CIB4: variants seen among roughly 807,000 people sequenced by gnomAD.
CIB4 encodes calcium and integrin-binding family member 4.
A neutral mutation model predicts 25.8 loss-of-function variants in CIB4; 25 were observed. The ratio of observed to expected loss-of-function variants is 0.97; its 90% CI spans 0.71 to 1.35. The LOEUF (loss-of-function observed/expected upper bound fraction) is 1.35. Among genes scored for constraint, CIB4 ranks in the 40% most tolerant of loss-of-function variants. CIB4 has a pLI of 0.00. For missense variants in CIB4, 235 were observed against 228.2 expected (o/e 1.03, Z -0.19); for synonymous variants, 75 against 81.4 (o/e 0.92, Z 0.42).
chr2:26,629,899 A>G (rs1572571445), intron 2 of CIB4, among the ~76,000 whole-genome samples: 1 of 152,116 alleles, frequency 6.6e-6, no homozygotes, highest in Admixed American at 6.5e-5. Flanking sequence ...GACCTTGGGG[A>G]AGCCAGGGTC....
chr2:26,582,922 G>A lies in CIB4; in HGVS notation c.439-9C>T, dbSNP rs1558551693. 2 of 1,605,402 alleles carry A rather than the reference G, an allele frequency of 1.2e-6. No homozygotes were observed. Among genetic ancestry groups the A allele is most frequent in the East Asian group, 2.2e-5 (1 of 44,826 alleles). The stretch of plus-strand genomic sequence containing the variant: ...TCCGACTCACTCAGGACCTGGCGAG[G>A]GAGCACAGAAGACAGTTGAGTGGAA... On this transcript the variant is annotated splice_polypyrimidine_tract_variant and intron_variant, in intron 5 of 6. Transcript: ENST00000288861.
At chr2:26,619,241 G>C (rs967638155) in intron 3 of CIB4, among the ~76,000 whole-genome samples, 4 of 152,156 alleles carry the variant, frequency 2.6e-5, no homozygotes, top group African/African-American at 9.7e-5. Flanking sequence ...TCTCCCCACA[G>C]GGCCCTCCCC....
intron 3 of CIB4, among the ~76,000 whole-genome samples, chr2:26,610,204 C>T (rs949435829): frequency 1.3e-5 from 2 of 152,034 alleles, no homozygotes; most frequent in African/African-American, 4.8e-5. Context: ...GAACCATGTT[C>T]CCTGTGAACT....
At chr2:26,606,343 A>G (rs769452440) in intron 3 of CIB4, among the ~76,000 whole-genome samples, 1 of 152,204 alleles carries the variant, frequency 6.6e-6, no homozygotes, top group Non-Finnish European at 1.5e-5. Flanking sequence ...GGGAGGCAGG[A>G]CGGACAAAGG....
chr2:26,583,669 C>G, intron 5 of CIB4, 120 bp downstream of exon 5: 1 of 699,572 alleles, frequency 1.4e-6, no homozygotes, highest in Non-Finnish European at 2.6e-6. Flanking sequence ...AATGTGTCAT[C>G]TGCCTCAGGC....
At chr2:26,605,523 C>T in intron 3 of CIB4, 1 of 471,114 alleles carries the variant, frequency 2.1e-6, no homozygotes, top group Non-Finnish European at 4.4e-6. Context: ...GGAGTGGACG[C>T]CCTTTCAGGG....
intron 3 of CIB4, chr2:26,605,671 A>T (rs1193688289): frequency 2.6e-6 from 1 of 391,564 alleles, no homozygotes; most frequent in East Asian, 8.6e-5. Context: ...CAGTTCACAG[A>T]CCCAACAAGT....
At chr2:26,633,512 A>G (rs1275924) in intron 2 of CIB4, among the ~76,000 whole-genome samples, 98,536 of 151,878 alleles carry the variant, frequency 0.65, 32,204 homozygotes, top group African/African-American at 0.72. Flanking sequence ...CCCCCCTGGA[A>G]AGTCCTCTCG....
chr2:26,582,295 A>AC (rs1219783085), intron 6 of CIB4, among the ~76,000 whole-genome samples: 1 of 152,186 alleles, frequency 6.6e-6, no homozygotes, highest in African/African-American at 2.4e-5. Context: ...AAGCAGCAGC[A>AC]CCCCAAAAAG....
At chr2:26,611,304 G>A (rs912159933) in intron 3 of CIB4, among the ~76,000 whole-genome samples, 2 of 152,218 alleles carry the variant, frequency 1.3e-5, no homozygotes, top group African/African-American at 2.4e-5. Context: ...AATACTGTCC[G>A]TGGGAGGATG....
At chr2:26,615,230 C>T (rs1042293917) in intron 3 of CIB4, among the ~76,000 whole-genome samples, 13 of 152,154 alleles carry the variant, frequency 8.5e-5, no homozygotes, top group Non-Finnish European at 1.5e-4. Flanking sequence ...ACAGTCAAAT[C>T]CTGGACAAAT....
At chr2:26,612,750 G>C (rs577202646) in intron 3 of CIB4, among the ~76,000 whole-genome samples, 1 of 152,318 alleles carries the variant, frequency 6.6e-6, no homozygotes, top group South Asian at 2.1e-4. Context: ...CAAGAGCCCT[G>C]CCAGCTGCTC....
intron 3 of CIB4, among the ~76,000 whole-genome samples, chr2:26,612,824 C>T (rs887821915): frequency 1.3e-5 from 2 of 152,174 alleles, no homozygotes; most frequent in African/African-American, 4.8e-5. Flanking sequence ...GAGTATGGGA[C>T]AAGGGGGAGG....
At chr2:26,613,705 A>T (rs187612234) in intron 3 of CIB4, among the ~76,000 whole-genome samples, 339 of 152,342 alleles carry the variant, frequency 2.2e-3, no homozygotes, top group Non-Finnish European at 3.8e-3. Context: ...TGAAGAGCCC[A>T]GGAGACTTTA....
chr2:26,637,843 G>T (rs2148229258), intron 2 of CIB4, among the ~76,000 whole-genome samples: 1 of 152,308 alleles, frequency 6.6e-6, no homozygotes, highest in South Asian at 2.1e-4. Context: ...GCAGCAGAGG[G>T]CTCTCACTGG....
At chr2:26,621,694 C>T (rs116562696) in intron 3 of CIB4, among the ~76,000 whole-genome samples, 1,847 of 152,232 alleles carry the variant, frequency 0.012, 45 homozygotes, top group African/African-American at 0.043. Flanking sequence ...AATGGAGAGA[C>T]ATGAAAACAG....
Position 26,640,564 on chromosome 2 carries a change from G to A in CIB4, c.58C>T (p.Leu20=), listed in dbSNP as rs1359605251. The A allele has an allele frequency of 7.4e-6, 12 of 1,612,728 alleles. No homozygotes were observed. The highest frequency in any genetic ancestry group is 9.3e-6 in the Non-Finnish European group (11 of 1,179,338). ...HWEDLEEYQA[L]TFLTRNEILC... is the part of the protein sequence containing the mutation. The stretch of plus-strand genomic sequence containing the variant: ...ATTTCATTTCTGGTCAGGAAGGTCA[G>A]GGCCTGCAACAAATCACAGAGAAGC... The change falls in exon 2 of 7, where the codon CTG becomes TTG. Residue 20 remains leucine, a synonymous_variant. Coordinates refer to ENST00000288861, the MANE Select transcript of CIB4 (RefSeq NM_001029881.3).
chr2:26,590,530 T>C (rs1017834787), intron 4 of CIB4, among the ~76,000 whole-genome samples: 2 of 152,074 alleles, frequency 1.3e-5, no homozygotes, highest in African/African-American at 2.4e-5. Flanking sequence ...ATCATCACCA[T>C]GACAGTTACC....
At position 26,629,489 on chromosome 2, in the gene CIB4, A is replaced by G; in HGVS notation, c.107T>C (p.Leu36Pro). ...GTACTTCCCAGGAGGGCAGAGCTTC[A>G]GGAAGGTGTCATGGATGCTGAAAAG... ...NEILCIHDTF[L>P]KLCPPGKYYK... is the part of the protein sequence containing the mutation. The change falls in exon 3 of 7, where the codon CTG becomes CCG. Residue 36 changes from leucine (L) to proline (P), a missense_variant. Coordinates refer to ENST00000288861, the MANE Select transcript of CIB4 (RefSeq NM_001029881.3). 1 of 1,573,826 alleles carries G rather than the reference A, an allele frequency of 6.4e-7. No homozygotes were observed. Among genetic ancestry groups the G allele is most frequent in the Non-Finnish European group, 8.6e-7 (1 of 1,158,728 alleles).
Sources: gnomAD v4.1 joint callset for allele counts (sites outside exome capture counted in the v4.1 genomes callset) on GRCh38, gnomAD v4.1.1 for gene constraint, MANE v1.5 for transcripts, NCBI Gene and HGNC (gene_info 2026-07-23, HGNC 2026-07-21) for gene names.